OPHN1: variants seen among roughly 807,000 people sequenced by gnomAD.
The protein encoded by OPHN1 is oligophrenin-1.
Under a neutral mutation model 60.7 loss-of-function variants are expected in OPHN1, and 11 were observed. The ratio of observed to expected loss-of-function variants is 0.18; its 90% CI spans 0.11 to 0.30. The LOEUF (loss-of-function observed/expected upper bound fraction) is 0.30, where lower values mean the gene tolerates loss of function less well. Among genes scored for constraint, OPHN1 ranks in the 10% least tolerant of loss-of-function variants. The probability of loss-of-function intolerance (pLI) is 1.00; values close to 1 mark genes in which losing one functional copy is unlikely to be tolerated. For synonymous variants in OPHN1, 226 were observed against 222.6 expected (o/e 1.02, Z -0.14); for missense variants, 449 against 611.0 (o/e 0.73, Z 2.80).
At chrX:68,397,356 C>G (rs1454495850) in intron 2 of OPHN1, among the ~76,000 whole-genome samples, 3 of 109,437 alleles carry the variant, frequency 2.7e-5, no homozygotes, top group African/African-American at 9.9e-5. Context: ...TTAACTTTTT[C>G]AATTGCAACT....
At position 68,359,291 on chromosome X, in the gene OPHN1, A is replaced by T. The variant is rs1439599416; in HGVS notation, c.155-60195T>A. Among the ~76,000 whole-genome samples, 6 of 111,691 alleles carry T rather than the reference A, an allele frequency of 5.4e-5. No individual in the cohort carries two copies. The East Asian group carries it at 1.7e-3, about 31-fold the overall frequency. On this transcript the variant is annotated intron_variant, in intron 2 of 24. Coordinates refer to ENST00000355520, the MANE Select transcript of OPHN1 (RefSeq NM_002547.3). ...TGGGGTACATATGGATTTGTAAATTATTTACAATAACTACAAGCCTCCAAG... is the reference window on the plus strand; with the variant it reads ...TGGGGTACATATGGATTTGTAAATTTTTTACAATAACTACAAGCCTCCAAG...
At chrX:68,428,567 C>A in intron 2 of OPHN1, among the ~76,000 whole-genome samples, 1 of 112,250 alleles carries the variant, frequency 8.9e-6, no homozygotes, top group Admixed American at 9.5e-5. Flanking sequence ...ATTCTGTATG[C>A]CTGACAGCTC....
chrX:68,131,189 CT>C (rs1296655314), intron 15 of OPHN1, among the ~76,000 whole-genome samples: 1 of 93,075 alleles, frequency 1.1e-5, no homozygotes, highest in East Asian at 3.0e-4. Context: ...ACAAAGAACA[CT>C]TTTATTTATT....
At chrX:68,353,527 TCA>T (rs2078424630) in intron 2 of OPHN1, among the ~76,000 whole-genome samples, 1 of 107,602 alleles carries the variant, frequency 9.3e-6, no homozygotes, top group Non-Finnish European at 1.9e-5. Flanking sequence ...TGAGCCAAGG[TCA>T]CACCACTGCA....
At chrX:68,310,570 A>T (rs2078168256) in intron 2 of OPHN1, among the ~76,000 whole-genome samples, 1 of 111,053 alleles carries the variant, frequency 9.0e-6, no homozygotes, top group Admixed American at 9.7e-5. Context: ...AGAGCCAGGC[A>T]GCAGTCAAGG....
At chrX:68,210,128 T>C in intron 9 of OPHN1, 25 bp downstream of exon 9, 1 of 1,208,314 alleles carries the variant, frequency 8.3e-7, no homozygotes, top group Non-Finnish European at 1.1e-6. Context: ...TGAAACCCAA[T>C]GGATACCCCT....
chrX:68,118,699 C>T (rs1295921885), intron 16 of OPHN1, among the ~76,000 whole-genome samples: 1 of 111,896 alleles, frequency 8.9e-6, no homozygotes, highest in African/African-American at 3.2e-5. Context: ...ATTGCACATT[C>T]CCAAATTTTG....
intron 15 of OPHN1, among the ~76,000 whole-genome samples, chrX:68,186,594 T>C (rs2077463626): frequency 9.0e-6 from 1 of 111,461 alleles, no homozygotes; most frequent in African/African-American, 3.3e-5. Flanking sequence ...GGCAAAGAGC[T>C]GAGACATCTT....
At chrX:68,342,608 T>C (rs1237787105) in intron 2 of OPHN1, among the ~76,000 whole-genome samples, 1 of 111,604 alleles carries the variant, frequency 9.0e-6, no homozygotes, top group Non-Finnish European at 1.9e-5. Flanking sequence ...AAGAAAGCAG[T>C]AACAAAAGAT....
chrX:68,184,340 G>A (rs965793157), intron 15 of OPHN1, among the ~76,000 whole-genome samples: 3 of 110,486 alleles, frequency 2.7e-5, no homozygotes, highest in Non-Finnish European at 5.7e-5. Flanking sequence ...TGGCCAACAT[G>A]GTGAAACCCT....
intron 15 of OPHN1, among the ~76,000 whole-genome samples, chrX:68,134,222 T>G (rs2077209950): frequency 1.8e-5 from 2 of 111,392 alleles, no homozygotes; most frequent in South Asian, 7.6e-4. Flanking sequence ...AAAAATTGCT[T>G]GTTCTACAGA....
At chrX:68,058,652 T>C (rs2076882341) in intron 21 of OPHN1, among the ~76,000 whole-genome samples, 1 of 111,964 alleles carries the variant, frequency 8.9e-6, no homozygotes, top group Admixed American at 9.5e-5. Flanking sequence ...CCATCTTCCA[T>C]GTCTGCCATT....
At chrX:68,093,634 A>G (rs1466615443) in intron 19 of OPHN1, among the ~76,000 whole-genome samples, 1 of 111,285 alleles carries the variant, frequency 9.0e-6, no homozygotes, top group Admixed American at 9.6e-5. Context: ...ATAGGTGTGT[A>G]GAGATCTCTC....
At chrX:68,239,251 G>A (rs1273980559) in intron 5 of OPHN1, among the ~76,000 whole-genome samples, 2 of 111,635 alleles carry the variant, frequency 1.8e-5, no homozygotes, top group African/African-American at 6.5e-5. Context: ...GTCTGCCGGT[G>A]TCCTCCTGGT....
At chrX:68,164,391 T>C (rs2077348736) in intron 15 of OPHN1, among the ~76,000 whole-genome samples, 2 of 112,368 alleles carry the variant, frequency 1.8e-5, no homozygotes, top group South Asian at 3.6e-4. Flanking sequence ...AGAATGGATG[T>C]TGTTTTAGGA....
chrX:68,109,661 A>G (rs180759841), intron 18 of OPHN1, among the ~76,000 whole-genome samples: 1 of 111,547 alleles, frequency 9.0e-6, no homozygotes, highest in East Asian at 2.8e-4. Context: ...GTATTCTTAC[A>G]TATTCTTATT....
At chrX:68,106,840 CT>C in intron 18 of OPHN1, among the ~76,000 whole-genome samples, 1 of 111,801 alleles carries the variant, frequency 8.9e-6, no homozygotes, top group Middle Eastern at 4.6e-3. Flanking sequence ...GAATTTTCTT[CT>C]CCTGTGTAAA....
chrX:68,136,823 G>A lies in OPHN1; in HGVS notation c.1277-17491C>T, dbSNP rs4827566. 6.4e-3 allele frequency among the ~76,000 whole-genome samples: 715 copies of A among 111,802 alleles called. 30 individuals carry two copies. Among genetic ancestry groups the A allele is most frequent in the Admixed American group, 0.061 (639 of 10,502 alleles). ...TGTGTTGTGATTAAACCACAGTGAC[G>A]AATTTGTTGGTTATAGTATTTTGAA... On this transcript the variant is annotated intron_variant, in intron 15 of 24. Coordinates refer to ENST00000355520, the MANE Select transcript of OPHN1 (RefSeq NM_002547.3).
intron 6 of OPHN1, among the ~76,000 whole-genome samples, chrX:68,217,106 C>G (rs1261895336): frequency 8.9e-6 from 1 of 111,951 alleles, no homozygotes; most frequent in Non-Finnish European, 1.9e-5. Flanking sequence ...CGAGACATTG[C>G]CTCACTTGGG....
Sources: gnomAD v4.1 joint callset for allele counts (sites outside exome capture counted in the v4.1 genomes callset) on GRCh38, gnomAD v4.1.1 for gene constraint, MANE v1.5 for transcripts, NCBI Gene and HGNC (gene_info 2026-07-23, HGNC 2026-07-21) for gene names.